The following EPB41L5 variants were observed in gnomAD, a reference collection of about 807,000 sequenced individuals.
EPB41L5 encodes the protein erythrocyte membrane protein band 4.1 like 5.
Under a neutral mutation model 106.6 loss-of-function variants are expected in EPB41L5, and 55 were observed. That is an observed-to-expected ratio of 0.52 (90% CI 0.42 to 0.65). The LOEUF is 0.65. EPB41L5 is among the 30% of genes least tolerant of loss of function. EPB41L5 has a pLI of 0.00. For missense variants in EPB41L5, 871 were observed against 882.1 expected, an observed-to-expected ratio of 0.99 and a Z score of 0.16; for synonymous variants, 297 against 306.7, an observed-to-expected ratio of 0.97 and a Z score of 0.33.
At chr2:120,024,451 G>T (rs868622351) in intron 2 of EPB41L5, among the ~76,000 whole-genome samples, 17 of 152,006 alleles carry the variant, frequency 1.1e-4, no homozygotes, top group African/African-American at 9.6e-5. Flanking sequence ...GTGGTTTTTT[G>T]TGTGTGTGTT....
At chr2:120,151,910 C>T (rs1485677604) in intron 20 of EPB41L5, among the ~76,000 whole-genome samples, 1 of 152,122 alleles carries the variant, frequency 6.6e-6, no homozygotes, top group African/African-American at 2.4e-5. Context: ...AGCCACCACA[C>T]CCAGCTGGTT....
chr2:120,127,554 TTTTG>T (rs1334378769), intron 16 of EPB41L5, 130 bp from the exon 17 acceptor site: 3 of 641,040 alleles, frequency 4.7e-6, no homozygotes, highest in Non-Finnish European at 7.5e-6. Context: ...TAATTTTTAT[TTTTG>T]TTTTATTTTT....
intron 6 of EPB41L5, 63 bp from the exon 7 acceptor site, chr2:120,075,638 C>T: frequency 6.8e-7 from 1 of 1,467,714 alleles, no homozygotes; most frequent in Non-Finnish European, 9.5e-7. Flanking sequence ...GTATTATTTT[C>T]ATTTGTCTTA....
At chr2:120,083,699 G>T (rs1352832538) in intron 10 of EPB41L5, among the ~76,000 whole-genome samples, 7 of 152,070 alleles carry the variant, frequency 4.6e-5, no homozygotes, top group Admixed American at 4.6e-4. Context: ...TTGACAGTGG[G>T]GTGTTAAAGT....
At chr2:120,047,235 T>C (rs1156896215) in intron 3 of EPB41L5, among the ~76,000 whole-genome samples, 1 of 152,242 alleles carries the variant, frequency 6.6e-6, no homozygotes, top group Non-Finnish European at 1.5e-5. Flanking sequence ...GCATTGAATC[T>C]ATAAATTGCC....
intron 3 of EPB41L5, among the ~76,000 whole-genome samples, chr2:120,056,093 T>C (rs909794595): frequency 6.6e-6 from 1 of 152,180 alleles, no homozygotes; most frequent in Non-Finnish European, 1.5e-5. Flanking sequence ...TTAATCAGAT[T>C]GAGGGAAGGT....
At chr2:120,141,715 A>G (rs1258788132) in intron 18 of EPB41L5, among the ~76,000 whole-genome samples, 1 of 152,146 alleles carries the variant, frequency 6.6e-6, no homozygotes, top group Non-Finnish European at 1.5e-5. Context: ...ATTTGGGATT[A>G]TTAGCTAGAT....
intron 24 of EPB41L5, among the ~76,000 whole-genome samples, chr2:120,170,964 C>A (rs571186275): frequency 1.3e-5 from 2 of 152,306 alleles, no homozygotes; most frequent in African/African-American, 4.8e-5. Flanking sequence ...GTTGTTCAAG[C>A]TGTAAACTCA....
intron 2 of EPB41L5, among the ~76,000 whole-genome samples, chr2:120,026,041 A>G (rs1317552418): frequency 6.6e-6 from 1 of 152,222 alleles, no homozygotes; most frequent in Non-Finnish European, 1.5e-5. Flanking sequence ...AGTCTTTTTA[A>G]CAAACGGTAC....
chr2:120,096,000 A>G (rs1683731143), intron 14 of EPB41L5, among the ~76,000 whole-genome samples: 1 of 152,122 alleles, frequency 6.6e-6, no homozygotes, highest in South Asian at 2.1e-4. Context: ...TACTTATTAC[A>G]ATGAGGCTAT....
chr2:120,037,862 C>G (rs904827217), intron 2 of EPB41L5, among the ~76,000 whole-genome samples: 1 of 152,236 alleles, frequency 6.6e-6, no homozygotes, highest in East Asian at 1.9e-4. Context: ...AGAAGTCAGA[C>G]CTTTTCCTTA....
At chr2:120,085,647 G>C (rs965451322) in intron 10 of EPB41L5, among the ~76,000 whole-genome samples, 1 of 152,156 alleles carries the variant, frequency 6.6e-6, no homozygotes, top group African/African-American at 2.4e-5. Flanking sequence ...ATTTCATTTA[G>C]TTTTGCATCT....
chr2:120,108,964 T>C (rs987869307), intron 16 of EPB41L5, among the ~76,000 whole-genome samples: 6 of 152,212 alleles, frequency 3.9e-5, no homozygotes, highest in African/African-American at 1.4e-4. Context: ...GTCTGAGTCA[T>C]CCACATTTGG....
intron 10 of EPB41L5, among the ~76,000 whole-genome samples, chr2:120,080,127 A>G (rs1257908827): frequency 1.1e-4 from 17 of 147,870 alleles, no homozygotes; most frequent in African/African-American, 4.0e-4. Flanking sequence ...TTTTTATTAT[A>G]CTTTAAGTTC....
chr2:120,115,273 G>C (rs957638182), intron 16 of EPB41L5, among the ~76,000 whole-genome samples: 5 of 152,124 alleles, frequency 3.3e-5, no homozygotes, highest in African/African-American at 1.2e-4. Flanking sequence ...TGATAAGGAA[G>C]GACTTATGCT....
intron 3 of EPB41L5, among the ~76,000 whole-genome samples, chr2:120,049,027 C>T (rs1680026000): frequency 6.6e-6 from 1 of 152,126 alleles, no homozygotes; most frequent in Admixed American, 6.6e-5. Flanking sequence ...GTCTGAGAGA[C>T]AGTTTGTTAT....
intron 24 of EPB41L5, among the ~76,000 whole-genome samples, chr2:120,173,905 G>A (rs986902266): frequency 9.9e-5 from 15 of 152,234 alleles, no homozygotes; most frequent in African/African-American, 2.6e-4. Flanking sequence ...GACTGGTCCC[G>A]AACTCCTGGT....
rs1344038800 is a variant in EPB41L5 at position 120,044,035 on chromosome 2, A to T, written c.285+1925A>T. Among the ~76,000 whole-genome samples, 5 of 151,672 alleles carry T rather than the reference A, an allele frequency of 3.3e-5. No individual in the cohort carries two copies. In the East Asian group the frequency reaches 7.8e-4, roughly 24 times the overall value. On this transcript the variant is annotated intron_variant, in intron 3 of 24. Transcript: ENST00000263713. ...GTGGTGCATGCCTATAGTCCTGGCT[A>T]CTTGGGAGGTGGGAGGATCGCATGA...
intron 16 of EPB41L5, among the ~76,000 whole-genome samples, chr2:120,124,104 C>CT (rs1387100715): frequency 1.3e-5 from 2 of 152,196 alleles, no homozygotes; most frequent in African/African-American, 4.8e-5. Flanking sequence ...AATGCTTGCT[C>CT]TTTCGTGCTT....
Sources: gnomAD v4.1 joint callset for allele counts (sites outside exome capture counted in the v4.1 genomes callset) on GRCh38, gnomAD v4.1.1 for gene constraint, MANE v1.5 for transcripts, NCBI Gene and HGNC (gene_info 2026-07-23, HGNC 2026-07-21) for gene names.